SPATA2: variants seen among roughly 807,000 people sequenced by gnomAD.
SPATA2 encodes spermatogenesis associated 2, also known as spermatogenesis-associated protein 2.
In SPATA2, 8 loss-of-function variants were observed where a neutral mutation model predicts 35.4. The observed-to-expected ratio is 0.23, with a 90% CI of 0.13 to 0.41. SPATA2 has a LOEUF of 0.41. SPATA2 is among the 10% of genes least tolerant of loss of function. The probability of loss-of-function intolerance (pLI) is 1.00; values close to 1 mark genes in which losing one functional copy is unlikely to be tolerated. For missense variants in SPATA2, 650 were observed against 698.7 expected (o/e 0.93, Z 0.79); for synonymous variants, 293 against 300.9 (o/e 0.97, Z 0.27).
Position 49,906,299 on chromosome 20 carries a change from A to G in SPATA2, c.883T>C (p.Ser295Pro). 1.9e-6 allele frequency: 3 copies of G among 1,586,390 alleles called. No homozygotes were observed. Among genetic ancestry groups the G allele is most frequent in the Non-Finnish European group, 2.6e-6 (3 of 1,164,882 alleles). Residue 295 changes from serine (S) to proline (P), a missense_variant, in exon 3 of 3, where the codon TCC (serine) becomes CCC (proline). Physicochemically the swap from Ser to Pro is moderately conservative, Grantham distance 74 (BLOSUM62 -1). Transcript: ENST00000289431. This position sits in a 1 kb window ranked among gnomAD's most constrained non-coding sequence, Gnocchi z 8.2. Reference protein sequence around the residue: ...DDLKDEIIRPSPSLLTMASSP... With the variant: ...DDLKDEIIRPPPSLLTMASSP... ...CTGGCCATGGTCAGCAGCGAAGGGG[A>G]TGGGCGGATGATCTCATCCTTGAGG...
intron 1 of SPATA2, among the ~76,000 whole-genome samples, chr20:49,911,662 G>A (rs960082354): frequency 6.1e-5 from 9 of 148,570 alleles, no homozygotes; most frequent in Admixed American, 2.0e-4. Flanking sequence ...GCGAGACTCC[G>A]TCTCTAAAAA....
intron 1 of SPATA2, among the ~76,000 whole-genome samples, 171 bp from the exon 2 acceptor site, chr20:49,908,763 G>A (rs1163591371): frequency 6.6e-6 from 1 of 152,232 alleles, no homozygotes; most frequent in Non-Finnish European, 1.5e-5. Flanking sequence ...GAGAGAGATG[G>A]ACCTTGACTT....
Position 49,905,849 on chromosome 20 carries a change from G to T in SPATA2, c.1333C>A (p.His445Asn), listed in dbSNP as rs552928457. 6.2e-7 allele frequency: 1 copy of T among 1,614,052 alleles called. No homozygotes were observed. The highest frequency in any genetic ancestry group is 1.3e-5 in the African/African-American group (1 of 75,052). Residue 445 changes from histidine (H) to asparagine (N), a missense_variant, in exon 3 of 3, where the codon CAC becomes AAC. Transcript: ENST00000289431. Reference protein sequence around the residue: ...GQTQGLDRLPHLHSKSKPSTT... With the variant: ...GQTQGLDRLPNLHSKSKPSTT... ...GAGGGCTTGGATTTGGAGTGAAGGT[G>T]CGGGAGGCGGTCGAGGCCCTGAGTC... is the stretch of plus-strand genomic sequence containing the variant.
Position 49,903,787 on chromosome 20 carries a change from T to C in SPATA2, c.*1832A>G, listed in dbSNP as rs1020344450. On this transcript the variant is annotated 3_prime_UTR_variant, in exon 3 of 3. Transcript: ENST00000289431. ...GGGCCAGGCATTGCCGATTCTGAAATGTGAAAAGGAAGAACATCAAAGATG... is the reference window on the plus strand; with the variant it reads ...GGGCCAGGCATTGCCGATTCTGAAACGTGAAAAGGAAGAACATCAAAGATG... 1 of 151,610 alleles carries C rather than the reference T, an allele frequency of 6.6e-6. No homozygotes were observed. Among genetic ancestry groups the C allele is most frequent in the East Asian group, 1.9e-4 (1 of 5,190 alleles). The allele number at this position is 151,610 out of a possible 1,614,324, so 9.4% of individuals were successfully genotyped here.
intron 1 of SPATA2, among the ~76,000 whole-genome samples, chr20:49,912,840 C>T (rs2090188775): frequency 6.6e-6 from 1 of 151,706 alleles, no homozygotes; most frequent in African/African-American, 2.4e-5. Context: ...AAATCTCAAA[C>T]CAACCTGGGT....
At chr20:49,907,995 G>A (rs142361780) in intron 2 of SPATA2, among the ~76,000 whole-genome samples, 160 bp downstream of exon 2, 1,936 of 152,324 alleles carry the variant, frequency 0.013, 24 homozygotes, top group Non-Finnish European at 0.021. Flanking sequence ...GGCCAGAAAC[G>A]GTTCAGAGGT....
In SPATA2 at chr20:49,903,592, C is replaced by G. The variant is rs147186182; in HGVS notation, c.*2027G>C. 1 of 152,134 alleles carries G rather than the reference C, an allele frequency of 6.6e-6. No individual in the cohort carries two copies. The highest frequency in any genetic ancestry group is 1.5e-5 in the Non-Finnish European group (1 of 68,022). 9.4% of individuals were successfully genotyped at this position (152,134 alleles called of 1,614,324 possible). On this transcript the variant is annotated 3_prime_UTR_variant, in exon 3 of 3. Transcript: ENST00000289431. ...CGTATTCCAGTCTGTGACCACAGTG[C>G]GTCCGTGATGACAGGTACACTGGAC...
rs199679075 is a variant in SPATA2, at chr20:49,913,054, A to G, written c.-103+2326T>C. 4.1e-4 allele frequency among the ~76,000 whole-genome samples: 63 copies of G among 152,140 alleles called. No individual in the cohort carries two copies. In the East Asian group the frequency reaches 0.011, roughly 28 times the overall value. On this transcript the variant is annotated intron_variant, in intron 1 of 2. Transcript: ENST00000289431. ...AGCCCAGGAGTTTGAGGCTGCAGTG[A>G]GCTATGATGGCACCACTGCACTCCG...
At chr20:49,910,329 T>C (rs1297978506) in intron 1 of SPATA2, among the ~76,000 whole-genome samples, 3 of 152,168 alleles carry the variant, frequency 2.0e-5, no homozygotes, top group Admixed American at 6.5e-5. Context: ...GCGAGAGGAT[T>C]ATGCATGATG....
intron 1 of SPATA2, among the ~76,000 whole-genome samples, chr20:49,908,940 C>T (rs886143494): frequency 7.9e-5 from 12 of 152,146 alleles, no homozygotes; most frequent in African/African-American, 2.2e-4. Context: ...GCCAAGAGGC[C>T]GGGGAAGGAG....
chr20:49,906,160 G>C lies in SPATA2; in HGVS notation c.1022C>G (p.Ser341Cys). The C allele has an allele frequency of 6.2e-7, 1 of 1,605,508 alleles. No individual in the cohort carries two copies. The highest frequency in any genetic ancestry group is 1.1e-5 in the South Asian group (1 of 89,458). ...TQDDVDLYTD[S>C]EPRATYRRQD... ...CCGACGGTAGGTGGCCCTGGGTTCAGAGTCTGTGTACAGATCCACGTCATC... is the reference window on the plus strand; with the variant it reads ...CCGACGGTAGGTGGCCCTGGGTTCACAGTCTGTGTACAGATCCACGTCATC... Residue 341 changes from serine to cysteine, a missense_variant, in exon 3 of 3, where the codon TCT becomes TGT. Physicochemically the swap from Ser to Cys is moderately radical, Grantham distance 112 (BLOSUM62 -1). Coordinates refer to ENST00000289431, the MANE Select transcript of SPATA2 (RefSeq NM_006038.4). The surrounding 1 kb of genome is among the most constrained non-coding windows in gnomAD (Gnocchi z 8.2).
At position 49,903,908 on chromosome 20, in the gene SPATA2, T is replaced by C. The variant is rs1351009394; in HGVS notation, c.*1711A>G. The C allele has an allele frequency of 6.0e-4, 11 of 18,200 alleles. No individual in the cohort carries two copies. Among genetic ancestry groups the C allele is most frequent in the African/African-American group, 1.7e-3 (10 of 5,768 alleles). 1.1% of individuals were successfully genotyped at this position (18,200 alleles called of 1,614,324 possible). A position where few individuals can be genotyped will look rare whatever the true frequency, so the allele number is the denominator to read the frequency against. On this transcript the variant is annotated 3_prime_UTR_variant, in exon 3 of 3. Transcript: ENST00000289431. ...ACATGTGATCTACCAGATAGATATA[T>C]ATATATATATATATATATATATATA...
At chr20:49,909,713 G>A (rs2090172138) in intron 1 of SPATA2, among the ~76,000 whole-genome samples, 1 of 152,200 alleles carries the variant, frequency 6.6e-6, no homozygotes. Flanking sequence ...CAGAACTGCA[G>A]CCAGTGAGGC....
intron 1 of SPATA2, among the ~76,000 whole-genome samples, chr20:49,910,803 G>A (rs759043335): frequency 6.6e-5 from 10 of 152,202 alleles, no homozygotes; most frequent in Non-Finnish European, 1.2e-4. Flanking sequence ...TGCGGTGAGA[G>A]GTGGGATGTG....
At chr20:49,908,733 C>T (rs1329922792) in intron 1 of SPATA2, 141 bp from the exon 2 acceptor site, 7 of 514,104 alleles carry the variant, frequency 1.4e-5, no homozygotes, top group Non-Finnish European at 6.9e-6. Flanking sequence ...GTACTACAAG[C>T]AGGGTTACAA....
At position 49,906,789 on chromosome 20, in the gene SPATA2, G is replaced by A. The variant is rs36022883; in HGVS notation, c.393C>T (p.Ile131=). The A allele has an allele frequency of 0.023, 37,160 of 1,613,686 alleles. 495 individuals are homozygous for A. The highest frequency in any genetic ancestry group is 0.026 in the Non-Finnish European group (30,899 of 1,179,616). The part of the protein sequence containing the change: ...YVKSTLLEED[I]RAILSCMGYT... The stretch of plus-strand genomic sequence containing the variant: ...AGCCCATGCAGCTCAGGATGGCTCG[G>A]ATGTCCTCTTCCAGTAATGTCGACT... The change falls in exon 3 of 3, where the codon ATC becomes ATT. Residue 131 remains isoleucine, a synonymous_variant. Transcript: ENST00000289431. This position sits in a 1 kb window ranked among gnomAD's most constrained non-coding sequence, Gnocchi z 8.2.
intron 1 of SPATA2, among the ~76,000 whole-genome samples, chr20:49,913,253 C>T (rs1040464090): frequency 1.3e-5 from 2 of 152,240 alleles, no homozygotes; most frequent in African/African-American, 2.4e-5. Context: ...CCCATTAAAA[C>T]AACCTGCCCA....
At position 49,912,939 on chromosome 20, in the gene SPATA2, C is replaced by CA. The variant is rs3092212; in HGVS notation, c.-103+2440dup. Reference sequence around the variant, plus strand: ...ACAACATAGTTAGACTCCGTCTCTACAAAAAAAAAAAAAAAAAAAATTAGG... The same window carrying CA: ...ACAACATAGTTAGACTCCGTCTCTACAAAAAAAAAAAAAAAAAAAAATTAGG... On this transcript the variant is annotated intron_variant, in intron 1 of 2. Coordinates refer to ENST00000289431, the MANE Select transcript of SPATA2 (RefSeq NM_006038.4). Among the ~76,000 whole-genome samples, 555 of 98,636 alleles carry CA rather than the reference C, an allele frequency of 5.6e-3. 3 individuals are homozygous for CA. Among genetic ancestry groups the CA allele is most frequent in the African/African-American group, 0.016 (321 of 20,616 alleles). 64.7% of individuals were successfully genotyped at this position (98,636 alleles called of 152,430 possible). A position where few individuals can be genotyped will look rare whatever the true frequency, so the allele number is the denominator to read the frequency against.
At chr20:49,913,509 G>T (rs544294797) in intron 1 of SPATA2, 1 of 152,248 alleles carries the variant, frequency 6.6e-6, no homozygotes, top group African/African-American at 2.4e-5. Context: ...CGTAAGGCTA[G>T]GAAGAAGTGG....
Sources: gnomAD v4.1 joint callset for allele counts (sites outside exome capture counted in the v4.1 genomes callset) on GRCh38, gnomAD v4.1.1 for gene constraint, Gnocchi (gnomAD v3.1) non-coding constraint, MANE v1.5 for transcripts, NCBI Gene and HGNC (gene_info 2026-07-23, HGNC 2026-07-21) for gene names.